The following RGS6 variants were observed in gnomAD, a reference collection of about 807,000 sequenced individuals.
RGS6 encodes the protein regulator of G protein signaling 6, also known as regulator of G-protein signaling 6.
A neutral mutation model predicts 78.5 loss-of-function variants in RGS6; 30 were observed. That is an observed-to-expected ratio of 0.38 (90% CI 0.29 to 0.52). RGS6 has a LOEUF of 0.52. RGS6 is among the 20% of genes least tolerant of loss of function. RGS6 has a pLI of 0.85. For synonymous variants in RGS6, 206 were observed against 206.0 expected, an observed-to-expected ratio of 1.00 and a Z score of 0.00; for missense variants, 495 against 609.7, an observed-to-expected ratio of 0.81 and a Z score of 1.98.
chr14:72,323,661 G>A (rs1349978942), intron 2 of RGS6, among the ~76,000 whole-genome samples: 1 of 151,164 alleles, frequency 6.6e-6, no homozygotes, highest in Non-Finnish European at 1.5e-5. Flanking sequence ...TATTAGCTGG[G>A]TGTGGTAGTG....
At chr14:72,543,565 A>C (rs2097354055) in intron 17 of RGS6, among the ~76,000 whole-genome samples, 1 of 152,112 alleles carries the variant, frequency 6.6e-6, no homozygotes, top group Admixed American at 6.5e-5. Flanking sequence ...TGTTCTTCAG[A>C]TTCTTTGGTG....
chr14:72,552,336 A>G (rs893823368), intron 17 of RGS6, among the ~76,000 whole-genome samples: 7 of 152,128 alleles, frequency 4.6e-5, no homozygotes, highest in African/African-American at 1.7e-4. Flanking sequence ...TGGGGCCCCT[A>G]AGCACTTCCC....
chr14:72,303,346 C>G (rs112765183), intron 2 of RGS6, among the ~76,000 whole-genome samples: 2,558 of 152,252 alleles, frequency 0.017, 66 homozygotes, highest in African/African-American at 0.053. Flanking sequence ...ACTAAAAATA[C>G]AGAAATTAGC....
At chr14:72,539,933 G>T (rs538514076) in intron 16 of RGS6, 108 bp from the exon 17 acceptor site, 90 of 1,018,080 alleles carry the variant, frequency 8.8e-5, no homozygotes, top group Non-Finnish European at 1.2e-4. Flanking sequence ...TTTTGCTTTG[G>T]TTTTTGTTAT....
intron 17 of RGS6, among the ~76,000 whole-genome samples, chr14:72,555,105 G>T (rs1164466047): frequency 6.6e-6 from 1 of 152,220 alleles, no homozygotes; most frequent in Non-Finnish European, 1.5e-5. Context: ...GGCCTAGAAT[G>T]ATTTAAAGTG....
At chr14:72,419,814 T>C (rs2094066938) in intron 3 of RGS6, among the ~76,000 whole-genome samples, 1 of 152,180 alleles carries the variant, frequency 6.6e-6, no homozygotes, top group Non-Finnish European at 1.5e-5. Flanking sequence ...AGGGAATGCT[T>C]CTCAGAGCGG....
chr14:72,057,922 G>T (rs958503340), intron 2 of RGS6, among the ~76,000 whole-genome samples: 6 of 152,304 alleles, frequency 3.9e-5, no homozygotes, highest in African/African-American at 1.4e-4. Context: ...CTTGAAGGAT[G>T]TGCTAGCCTC....
At chr14:72,320,644 TGAA>T (rs2071686455) in intron 2 of RGS6, among the ~76,000 whole-genome samples, 1 of 151,670 alleles carries the variant, frequency 6.6e-6, no homozygotes, top group African/African-American at 2.4e-5. Context: ...AAGAGATGAA[TGAA>T]GAAACCATGG....
the RGS6 span, among the ~76,000 whole-genome samples, chr14:71,871,830 T>C: frequency 3.1e-4 from 47 of 152,226 alleles, no homozygotes; most frequent in African/African-American, 1.1e-3. Context: ...ACAGCATTCT[T>C]TTCCTCTCCA....
intron 2 of RGS6, among the ~76,000 whole-genome samples, chr14:72,067,353 C>T (rs1472613197): frequency 6.6e-6 from 1 of 152,032 alleles, no homozygotes; most frequent in East Asian, 1.9e-4. Context: ...AGGAAATATA[C>T]CTAATGCATG....
chr14:72,190,672 A>G (rs957628991), intron 2 of RGS6, among the ~76,000 whole-genome samples: 2 of 152,246 alleles, frequency 1.3e-5, no homozygotes, highest in Non-Finnish European at 2.9e-5. Flanking sequence ...AGACTTCTAC[A>G]AGTATGTAGA....
intron 3 of RGS6, among the ~76,000 whole-genome samples, chr14:72,379,241 A>C (rs2085452101): frequency 6.6e-6 from 1 of 152,146 alleles, no homozygotes; most frequent in Non-Finnish European, 1.5e-5. Context: ...GAATGGGGAA[A>C]TCTTTAAAGC....
chr14:72,599,820 A>G, the RGS6 span, among the ~76,000 whole-genome samples: 1 of 152,028 alleles, frequency 6.6e-6, no homozygotes, highest in African/African-American at 2.4e-5. Context: ...TTTAGTGGTA[A>G]GCCCTGAGAC....
At chr14:72,390,145 T>C (rs2089565607) in intron 3 of RGS6, among the ~76,000 whole-genome samples, 1 of 147,214 alleles carries the variant, frequency 6.8e-6, no homozygotes, top group Admixed American at 6.9e-5. Flanking sequence ...TCACCCAGGA[T>C]GGAGTGCAGT....
chr14:71,984,945 A>G (rs1179260570), intron 2 of RGS6, among the ~76,000 whole-genome samples: 1 of 152,154 alleles, frequency 6.6e-6, no homozygotes, highest in Non-Finnish European at 1.5e-5. Context: ...TATCATGCAA[A>G]TATGACTAAA....
At position 71,975,235 on chromosome 14, in the gene RGS6, A is replaced by G. The variant is rs140992962; in HGVS notation, c.84+10360A>G. On this transcript the variant is annotated intron_variant, in intron 2 of 17. Transcript: ENST00000553525. Reference sequence around the variant, plus strand: ...GATTTAGAATTCTAGATTGTCGGTTATTTTATTTATCATAACTGTCATTGT... The same window carrying G: ...GATTTAGAATTCTAGATTGTCGGTTGTTTTATTTATCATAACTGTCATTGT... Among the ~76,000 whole-genome samples the G allele has an allele frequency of 2.6e-3, 401 of 152,200 alleles. 1 individual carries two copies. The highest frequency in any genetic ancestry group is 9.1e-3 in the African/African-American group (379 of 41,540).
intron 2 of RGS6, among the ~76,000 whole-genome samples, chr14:72,093,576 A>G (rs563346068): frequency 1.3e-5 from 2 of 152,220 alleles, no homozygotes; most frequent in Admixed American, 6.5e-5. Context: ...TATAAGTATT[A>G]TAAGCATTGC....
intron 2 of RGS6, among the ~76,000 whole-genome samples, chr14:72,264,208 T>C (rs983347515): frequency 1.3e-5 from 2 of 152,238 alleles, no homozygotes; most frequent in Non-Finnish European, 2.9e-5. Context: ...GAATTTATAT[T>C]TTCTTGTATG....
intron 2 of RGS6, among the ~76,000 whole-genome samples, chr14:72,247,968 A>G (rs1054084187): frequency 2.0e-5 from 3 of 152,200 alleles, no homozygotes. Flanking sequence ...GCAACACAAA[A>G]CAGACTAAGA....
Sources: allele counts gnomAD v4.1 joint callset (sites outside exome capture counted in the v4.1 genomes callset), GRCh38; gene constraint gnomAD v4.1.1; transcripts MANE v1.5; gene names NCBI Gene and HGNC (gene_info 2026-07-23, HGNC 2026-07-21).